Variants in IFT56 observed in about 807,000 individuals in gnomAD.
The protein encoded by IFT56 is intraflagellar transport 56, also known as intraflagellar transport protein 56.
the IFT56 span, chr7:139,178,243 T>A: frequency 6.2e-7 from 1 of 1,614,120 alleles, no homozygotes; most frequent in Non-Finnish European, 8.5e-7. Flanking sequence ...GTGCATGGCT[T>A]CCTGTTTCTT....
At chr7:139,156,801 C>T in the IFT56 span, among the ~76,000 whole-genome samples, 1 of 152,158 alleles carries the variant, frequency 6.6e-6, no homozygotes, top group African/African-American at 2.4e-5. Context: ...TGCTTCTGAA[C>T]TCTGTATTCT....
the IFT56 span, among the ~76,000 whole-genome samples, chr7:139,144,057 T>C: frequency 2.0e-5 from 3 of 152,182 alleles, no homozygotes; most frequent in African/African-American, 7.2e-5. Context: ...TTTTATGCAG[T>C]TAATATTCAT....
chr7:139,187,100 C>CAAAAAA, the IFT56 span, among the ~76,000 whole-genome samples: 16 of 51,612 alleles, frequency 3.1e-4, no homozygotes, highest in Non-Finnish European at 4.3e-4. Flanking sequence ...GACTCCGTCT[C>CAAAAAA]AAAAAAAAAA....
chr7:139,177,630 G>GTA, the IFT56 span, among the ~76,000 whole-genome samples: 5 of 150,796 alleles, frequency 3.3e-5, no homozygotes, highest in African/African-American at 4.9e-5. Flanking sequence ...GTGTGTGTGT[G>GTA]TATATATATC....
At chr7:139,165,243 A>T in the IFT56 span, 1 of 1,600,772 alleles carries the variant, frequency 6.2e-7, no homozygotes, top group Non-Finnish European at 8.5e-7. Flanking sequence ...AGGTAAGAAA[A>T]ATTTGTCCTG....
At chr7:139,169,255 T>G in the IFT56 span, 1 of 1,579,532 alleles carries the variant, frequency 6.3e-7, no homozygotes, top group South Asian at 1.1e-5. Flanking sequence ...TATTTTTACC[T>G]TATTCCTCTA....
chr7:139,148,496 C>A, the IFT56 span: 2 of 895,250 alleles, frequency 2.2e-6, no homozygotes, highest in Non-Finnish European at 3.4e-6. Context: ...TTTATCATTG[C>A]CACTGTGATT....
the IFT56 span, chr7:139,137,999 A>G: frequency 5.6e-5 from 56 of 999,338 alleles, no homozygotes; most frequent in African/African-American, 8.1e-4. Flanking sequence ...ATTAAACTTT[A>G]TATTATAATA....
At chr7:139,174,221 G>A in the IFT56 span, 1 of 589,092 alleles carries the variant, frequency 1.7e-6, no homozygotes, top group African/African-American at 1.9e-5. Flanking sequence ...AGATATTCTG[G>A]GATCTTTCTG....
At chr7:139,190,840 G>T in the IFT56 span, 1 of 152,136 alleles carries the variant, frequency 6.6e-6, no homozygotes, top group African/African-American at 2.4e-5. Context: ...GGTACCTAGT[G>T]TTACAGGTCT....
At chr7:139,169,033 ATGAT>A in the IFT56 span, among the ~76,000 whole-genome samples, 1 of 152,190 alleles carries the variant, frequency 6.6e-6, no homozygotes, top group Non-Finnish European at 1.5e-5. Context: ...TATTTGTAGA[ATGAT>A]TGAGTTCATT....
At chr7:139,139,965 C>T in the IFT56 span, 260 of 1,611,794 alleles carry the variant, frequency 1.6e-4, no homozygotes, top group Middle Eastern at 4.1e-3. Context: ...CTACTTCTTT[C>T]TTGGGATGTA....
the IFT56 span, among the ~76,000 whole-genome samples, chr7:139,159,449 G>A: frequency 1.3e-5 from 2 of 151,956 alleles, no homozygotes; most frequent in Non-Finnish European, 2.9e-5. Flanking sequence ...TGTACAAGGG[G>A]TCCCCAAAAA....
chr7:139,134,652 C>T, the IFT56 span: 1 of 1,602,610 alleles, frequency 6.2e-7, no homozygotes. Flanking sequence ...GTTTCTTTTA[C>T]AGATGCTTTC....
chr7:139,182,917 T>C, the IFT56 span, among the ~76,000 whole-genome samples: 1 of 151,894 alleles, frequency 6.6e-6, no homozygotes, highest in East Asian at 1.9e-4. Context: ...CAGTAAGAGG[T>C]AGAGAATAGA....
At chr7:139,146,401 A>G in the IFT56 span, among the ~76,000 whole-genome samples, 3 of 152,248 alleles carry the variant, frequency 2.0e-5, no homozygotes, top group Non-Finnish European at 4.4e-5. Flanking sequence ...GAAATTAAAA[A>G]TTGAATACAC....
At chr7:139,177,610 TA>T in the IFT56 span, among the ~76,000 whole-genome samples, 3 of 124,650 alleles carry the variant, frequency 2.4e-5, 1 homozygote, top group South Asian at 8.0e-4. Flanking sequence ...CATATATATA[TA>T]GTGTGTGTGT....
chr7:139,134,563 C>A, the IFT56 span: 1 of 1,407,588 alleles, frequency 7.1e-7, no homozygotes, highest in Non-Finnish European at 9.4e-7. Flanking sequence ...CCACTGTGCC[C>A]GGCCTTGACT....
chr7:139,164,082 A>G, the IFT56 span, among the ~76,000 whole-genome samples: 3 of 152,112 alleles, frequency 2.0e-5, no homozygotes, highest in Non-Finnish European at 4.4e-5. Flanking sequence ...CTGATAACAT[A>G]TTTATTTGTT....
Sources: gnomAD v4.1 joint callset for allele counts (sites outside exome capture counted in the v4.1 genomes callset) on GRCh38, gnomAD v4.1.1 for gene constraint, MANE v1.5 for transcripts, NCBI Gene and HGNC (gene_info 2026-07-23, HGNC 2026-07-21) for gene names.